ATP2C1: variants seen among roughly 807,000 people sequenced by gnomAD.
The protein encoded by ATP2C1 is calcium-transporting ATPase type 2C member 1.
A neutral mutation model predicts 120.5 loss-of-function variants in ATP2C1; 31 were observed. The ratio of observed to expected loss-of-function variants is 0.26; its 90% confidence interval spans 0.19 to 0.35. The LOEUF (loss-of-function observed/expected upper bound fraction) is 0.35. ATP2C1 is among the 10% of genes least tolerant of loss of function. ATP2C1 has a pLI of 1.00. For synonymous variants in ATP2C1, 351 were observed against 358.7 expected, an observed-to-expected ratio of 0.98 and a Z score of 0.24; for missense variants, 731 against 1,107.5, an observed-to-expected ratio of 0.66 and a Z score of 4.83.
rs528182600 is a variant in ATP2C1, at chr3:130,882,402, T to C, written c.108+31474T>C. Among the ~76,000 whole-genome samples, 5 of 152,242 alleles carry C rather than the reference T, an allele frequency of 3.3e-5. No homozygotes were observed. In the South Asian group the frequency reaches 1.0e-3, roughly 32 times the overall value. On this transcript the variant is annotated intron_variant, in intron 1 of 26. Transcript: ENST00000504381. ...TTTTAGTAGAGATGAGGTTTCACCA[T>C]GTTGGCCAGGCTGATCTCAAACTCC... is the stretch of plus-strand genomic sequence containing the variant.
chr3:130,948,926 G>T (rs1468812842), intron 8 of ATP2C1, among the ~76,000 whole-genome samples: 1 of 152,116 alleles, frequency 6.6e-6, no homozygotes, highest in African/African-American at 2.4e-5. Context: ...CGATGTTCAT[G>T]TAAGACTATA....
chr3:130,945,168 T>C (rs1386296363), intron 8 of ATP2C1, among the ~76,000 whole-genome samples: 3 of 152,060 alleles, frequency 2.0e-5, no homozygotes, highest in African/African-American at 7.2e-5. Context: ...CTTAGAGGAA[T>C]TGAGCTTTGG....
intron 21 of ATP2C1, 98 bp downstream of exon 21, chr3:130,993,099 C>T: frequency 9.7e-7 from 1 of 1,030,830 alleles, no homozygotes; most frequent in Non-Finnish European, 1.5e-6. Flanking sequence ...GCATCAAGGT[C>T]AGAAATACTG....
chr3:131,014,310 A>G (rs776050992), intron 26 of ATP2C1: 11 of 1,613,994 alleles, frequency 6.8e-6, no homozygotes, highest in Non-Finnish European at 9.3e-6. Flanking sequence ...CTCAGGACAT[A>G]TGCTCAGGAG....
intron 24 of ATP2C1, 76 bp from the exon 25 acceptor site, chr3:130,997,530 G>A (rs1398080796): frequency 1.5e-6 from 2 of 1,342,138 alleles, no homozygotes; most frequent in Non-Finnish European, 2.1e-6. Flanking sequence ...GAATAATTGA[G>A]GTTAGTGAGG....
At chr3:131,012,902 A>G (rs554511144) in intron 26 of ATP2C1, among the ~76,000 whole-genome samples, 6 of 152,288 alleles carry the variant, frequency 3.9e-5, no homozygotes, top group South Asian at 2.1e-4. Flanking sequence ...CTCTAAGAGT[A>G]TGGTAATTCT....
chr3:130,997,030 C>G (rs1051002369), intron 24 of ATP2C1, among the ~76,000 whole-genome samples: 1 of 151,954 alleles, frequency 6.6e-6, no homozygotes, highest in Non-Finnish European at 1.5e-5. Context: ...GAGAATAGAT[C>G]AGGAATAGGT....
At chr3:131,007,826 CGT>C (rs2063173535), downstream of ATP2C1, among the ~76,000 whole-genome samples, 1 of 152,134 alleles carries the variant, frequency 6.6e-6, no homozygotes, top group African/African-American at 2.4e-5. Context: ...CTGTGAAACA[CGT>C]GATATGTGCA....
In ATP2C1 at chr3:130,894,210, G is replaced by T; in HGVS notation, c.-308G>T. 12 of 972,670 alleles carry T rather than the reference G, an allele frequency of 1.2e-5. No individual in the cohort carries two copies. The highest frequency in any genetic ancestry group is 1.5e-5 in the Non-Finnish European group (12 of 826,054). The allele number at this position is 972,670 out of a possible 1,614,324, so 60.3% of individuals were successfully genotyped here. A position where few individuals can be genotyped will look rare whatever the true frequency, so the allele number is the denominator to read the frequency against. On this transcript the variant is annotated 5_prime_UTR_variant, in exon 1 of 28. Coordinates refer to ENST00000510168, the MANE Select transcript of ATP2C1 (RefSeq NM_001378687.1). This position sits in a 1 kb window ranked among gnomAD's most constrained non-coding sequence, Gnocchi z 4.5. ...CCTCCCGCTCGCTTCTTCTCACGCCGGGAGCAGGCTCCCGCCTCGCACCGC... is the reference window on the plus strand; with the variant it reads ...CCTCCCGCTCGCTTCTTCTCACGCCTGGAGCAGGCTCCCGCCTCGCACCGC...
chr3:130,882,764 C>T (rs1290063522), intron 1 of ATP2C1, among the ~76,000 whole-genome samples: 2 of 152,074 alleles, frequency 1.3e-5, no homozygotes, highest in East Asian at 1.9e-4. Flanking sequence ...GCTAGTATTT[C>T]ATTGAGGATT....
intron 3 of ATP2C1, 80 bp from the exon 4 acceptor site, chr3:130,931,942 T>TA (rs1220122869): frequency 8.9e-6 from 8 of 898,456 alleles, no homozygotes; most frequent in Non-Finnish European, 1.5e-5. Context: ...AATGTGATAA[T>TA]ACATTATATT....
chr3:130,979,705 G>A (rs1306995650), intron 19 of ATP2C1, among the ~76,000 whole-genome samples: 1 of 152,004 alleles, frequency 6.6e-6, no homozygotes, highest in Non-Finnish European at 1.5e-5. Context: ...CAGAGTAAAA[G>A]CACTAGATCA....
At chr3:130,946,899 A>G (rs1405316529) in intron 8 of ATP2C1, among the ~76,000 whole-genome samples, 1 of 152,240 alleles carries the variant, frequency 6.6e-6, no homozygotes, top group South Asian at 2.1e-4. Flanking sequence ...TTTAGCACAT[A>G]TTTGAAAACC....
intron 16 of ATP2C1, among the ~76,000 whole-genome samples, chr3:130,968,937 T>C (rs147301559): frequency 6.6e-6 from 1 of 152,278 alleles, no homozygotes; most frequent in African/African-American, 2.4e-5. Flanking sequence ...CTAAAACTTC[T>C]ATTGATCATA....
intron 2 of ATP2C1, among the ~76,000 whole-genome samples, chr3:130,896,268 C>T (rs1365547976): frequency 6.6e-6 from 1 of 151,986 alleles, no homozygotes; most frequent in Non-Finnish European, 1.5e-5. Context: ...GTAATAAAGC[C>T]GATTCTCATT....
At chr3:130,903,626 C>T (rs934749922) in intron 2 of ATP2C1, among the ~76,000 whole-genome samples, 39 of 151,628 alleles carry the variant, frequency 2.6e-4, no homozygotes, top group African/African-American at 8.7e-4. Flanking sequence ...TCCCTCCCTC[C>T]CTTCTTTCCT....
At position 130,861,657 on chromosome 3, in the gene ATP2C1, A is replaced by T. The variant is rs544902597; in HGVS notation, c.108+10729A>T. On this transcript the variant is annotated intron_variant, in intron 1 of 26. Coordinates refer to the ATP2C1 transcript ENST00000504381. ...AGATATAATGTGTTTTTTTATTTTT[A>T]TTTATTTATTTATTTTACCAGCTAT... Among the ~76,000 whole-genome samples the T allele has an allele frequency of 1.4e-4, 22 of 152,168 alleles. No individual in the cohort carries two copies. In the South Asian group the frequency reaches 4.4e-3, roughly 30 times the overall value.
chr3:130,954,414 C>T (rs75237076), intron 9 of ATP2C1, among the ~76,000 whole-genome samples: 4,216 of 152,226 alleles, frequency 0.028, 71 homozygotes, highest in Non-Finnish European at 0.043. Context: ...TAAATGTCTC[C>T]TATTGAGTAT....
intron 11 of ATP2C1, among the ~76,000 whole-genome samples, chr3:130,956,504 A>T (rs142330209): frequency 1.3e-5 from 2 of 152,066 alleles, no homozygotes; most frequent in Admixed American, 1.3e-4. Flanking sequence ...CATTAAATTG[A>T]TGGTCACATA....
Sources: gnomAD v4.1 joint callset for allele counts (sites outside exome capture counted in the v4.1 genomes callset) on GRCh38, gnomAD v4.1.1 for gene constraint, Gnocchi (gnomAD v3.1) non-coding constraint, MANE v1.5 for transcripts, NCBI Gene and HGNC (gene_info 2026-07-23, HGNC 2026-07-21) for gene names.